Variants in SEMA6D observed in about 807,000 individuals in gnomAD.
The protein encoded by SEMA6D is semaphorin 6D.
In SEMA6D, 35 loss-of-function variants were observed where a neutral mutation model predicts 106.6. The observed-to-expected ratio is 0.33, with a 90% CI of 0.25 to 0.44. SEMA6D has a LOEUF of 0.44. SEMA6D is among the 20% of genes least tolerant of loss of function. The pLI, the probability that SEMA6D is intolerant of heterozygous loss-of-function variation, is 1.00. For synonymous variants in SEMA6D, 499 were observed against 487.7 expected, an observed-to-expected ratio of 1.02 and a Z score of -0.31; for missense variants, 1,185 against 1,345.9, an observed-to-expected ratio of 0.88 and a Z score of 1.87.
chr15:47,760,344 C>A lies in SEMA6D; in HGVS notation c.150C>A (p.Gly50=), dbSNP rs1232041239. 6.2e-7 allele frequency: 1 copy of A among 1,613,640 alleles called. No homozygotes were observed. Among genetic ancestry groups the A allele is most frequent in the Non-Finnish European group, 8.5e-7 (1 of 1,179,686 alleles). The change falls in exon 3 of 19, where the codon GGC becomes GGA. Residue 50 remains glycine (G), a synonymous_variant. Transcript: ENST00000536845. ...CGGTTTTTAGAGGACGCCCTTCAGG[C>A]AATGAATCGCAGCACAGGCTGGACT... The part of the protein sequence containing the change: ...QYPVFRGRPS[G]NESQHRLDFQ...
At chr15:47,298,565 T>G (rs540968977) in intron 1 of SEMA6D, among the ~76,000 whole-genome samples, 1 of 152,284 alleles carries the variant, frequency 6.6e-6, no homozygotes, top group African/African-American at 2.4e-5. Context: ...TAGAAGTCAT[T>G]GTGTTCTTAT....
At chr15:47,335,475 G>A (rs2037515529) in intron 1 of SEMA6D, among the ~76,000 whole-genome samples, 2 of 152,108 alleles carry the variant, frequency 1.3e-5, no homozygotes, top group Non-Finnish European at 2.9e-5. Context: ...GCCAAGTGGA[G>A]CACCTCAGAT....
At chr15:47,197,426 G>C (rs1443397536) in intron 1 of SEMA6D, among the ~76,000 whole-genome samples, 2 of 151,690 alleles carry the variant, frequency 1.3e-5, no homozygotes, top group East Asian at 1.9e-4. Context: ...TTTAAATTAG[G>C]TTACAGATGT....
At chr15:47,384,814 G>GTTTTTTTTTTTTTT (rs1168068495) in intron 1 of SEMA6D, among the ~76,000 whole-genome samples, 3 of 65,696 alleles carry the variant, frequency 4.6e-5, no homozygotes, top group East Asian at 6.9e-4. Flanking sequence ...GATTACTAAA[G>GTTTTTTTTTTTTTT]TTTTTTTTTT....
At chr15:47,320,720 C>T (rs913117896) in intron 1 of SEMA6D, among the ~76,000 whole-genome samples, 2 of 152,158 alleles carry the variant, frequency 1.3e-5, no homozygotes, top group Non-Finnish European at 2.9e-5. Flanking sequence ...TTCACTTTAT[C>T]CATTAGGCTT....
chr15:47,422,082 G>A (rs2041176431), intron 2 of SEMA6D, among the ~76,000 whole-genome samples: 1 of 120,268 alleles, frequency 8.3e-6, no homozygotes, highest in African/African-American at 3.1e-5. Context: ...TGTTAAGGGG[G>A]TCCATTGTTT....
At chr15:47,295,876 C>A (rs1374959836) in intron 1 of SEMA6D, among the ~76,000 whole-genome samples, 1 of 152,146 alleles carries the variant, frequency 6.6e-6, no homozygotes, top group Non-Finnish European at 1.5e-5. Flanking sequence ...ACTCACCTGT[C>A]ACAAGTAGGT....
intron 4 of SEMA6D, among the ~76,000 whole-genome samples, chr15:47,654,710 T>TC (rs1037531066): frequency 1.3e-5 from 2 of 152,100 alleles, no homozygotes; most frequent in East Asian, 1.9e-4. Flanking sequence ...GTGCGGCTCC[T>TC]CCCCCCACTG....
intron 1 of SEMA6D, among the ~76,000 whole-genome samples, chr15:47,326,825 A>G (rs1338177074): frequency 6.6e-6 from 1 of 152,144 alleles, no homozygotes; most frequent in African/African-American, 2.4e-5. Flanking sequence ...CCTCCCCACC[A>G]AAGCCACACA....
chr15:47,250,528 T>TC lies in SEMA6D; in HGVS notation c.-239+66111dup, dbSNP rs2033459925. The stretch of plus-strand genomic sequence containing the variant: ...TTGATTGCTATTGTGGAGGAATGGC[T>TC]CTATTATGTATATTTGTTTAAAAAC... On this transcript the variant is annotated intron_variant, in intron 1 of 19. Coordinates refer to the SEMA6D transcript ENST00000558014. Among the ~76,000 whole-genome samples the TC allele has an allele frequency of 2.6e-5, 4 of 151,132 alleles. No homozygotes were observed. In the South Asian group the frequency reaches 8.5e-4, roughly 32 times the overall value.
chr15:47,320,251 C>G (rs771413328), intron 1 of SEMA6D, among the ~76,000 whole-genome samples: 10 of 152,104 alleles, frequency 6.6e-5, no homozygotes, highest in Non-Finnish European at 1.2e-4. Flanking sequence ...TCCAAGGAGA[C>G]CTCATGAGCT....
At chr15:47,418,801 G>A (rs1285392621) in intron 2 of SEMA6D, among the ~76,000 whole-genome samples, 1 of 152,096 alleles carries the variant, frequency 6.6e-6, no homozygotes, top group East Asian at 1.9e-4. Flanking sequence ...CCTTGACTAA[G>A]AGCACAAAGA....
intron 1 of SEMA6D, among the ~76,000 whole-genome samples, chr15:47,263,090 A>T (rs2034152814): frequency 6.6e-6 from 1 of 152,142 alleles, no homozygotes; most frequent in African/African-American, 2.4e-5. Context: ...AAACTATAAA[A>T]ACCCTGGAAG....
intron 1 of SEMA6D, chr15:47,731,012 A>G: frequency 1.7e-6 from 1 of 603,688 alleles, no homozygotes; most frequent in East Asian, 2.7e-5. Context: ...TGCTGATTTT[A>G]GAAAATATTA....
intron 3 of SEMA6D, among the ~76,000 whole-genome samples, chr15:47,572,809 ATCAT>A (rs2076086694): frequency 6.6e-6 from 1 of 152,224 alleles, no homozygotes; most frequent in Non-Finnish European, 1.5e-5. Flanking sequence ...AAGCAAATAA[ATCAT>A]TAATCTGTTC....
chr15:47,514,466 C>T (rs887765748), intron 3 of SEMA6D, among the ~76,000 whole-genome samples: 1 of 152,204 alleles, frequency 6.6e-6, no homozygotes, highest in Non-Finnish European at 1.5e-5. Context: ...ACCTACCTCC[C>T]AAACCATGTC....
At chr15:47,652,631 T>C (rs2144995636) in intron 4 of SEMA6D, among the ~76,000 whole-genome samples, 1 of 152,338 alleles carries the variant, frequency 6.6e-6, no homozygotes, top group East Asian at 1.9e-4. Flanking sequence ...ACTTCACGTA[T>C]AGACTGCTTT....
chr15:47,625,328 T>A (rs2077182287), intron 4 of SEMA6D, among the ~76,000 whole-genome samples: 1 of 152,210 alleles, frequency 6.6e-6, no homozygotes, highest in Admixed American at 6.5e-5. Flanking sequence ...GACGAGTTAT[T>A]ACTGAATGTT....
At chr15:47,329,741 C>T (rs2037269703) in intron 1 of SEMA6D, among the ~76,000 whole-genome samples, 1 of 152,150 alleles carries the variant, frequency 6.6e-6, no homozygotes, top group African/African-American at 2.4e-5. Flanking sequence ...TTAGCCTCTA[C>T]CACAGACTTA....
Sources: gnomAD v4.1 joint callset for allele counts (sites outside exome capture counted in the v4.1 genomes callset) on GRCh38, gnomAD v4.1.1 for gene constraint, MANE v1.5 for transcripts, NCBI Gene and HGNC (gene_info 2026-07-23, HGNC 2026-07-21) for gene names.